The following DHX57 variants were observed in gnomAD, a reference collection of about 807,000 sequenced individuals.
DHX57 encodes the protein DExH-box helicase 57, also known as putative ATP-dependent RNA helicase DHX57.
In DHX57, 105 loss-of-function variants were observed where a neutral mutation model predicts 156.2. The ratio of observed to expected loss-of-function variants is 0.67; its 90% CI spans 0.57 to 0.79. The LOEUF (loss-of-function observed/expected upper bound fraction) is 0.79, where lower values mean the gene tolerates loss of function less well. DHX57 is among the 30% of genes least tolerant of loss of function. DHX57 has a pLI of 0.00. For synonymous variants in DHX57, 704 were observed against 595.6 expected, an observed-to-expected ratio of 1.18 and a Z score of -2.65; for missense variants, 1,847 against 1,661.9, an observed-to-expected ratio of 1.11 and a Z score of -1.94.
At chr2:38,834,969 A>G (rs1671577936) in intron 13 of DHX57, among the ~76,000 whole-genome samples, 1 of 152,222 alleles carries the variant, frequency 6.6e-6, no homozygotes, top group African/African-American at 2.4e-5. Context: ...AAGCAAAGCA[A>G]CTTAAAGCAA....
chr2:38,814,334 C>G (rs189341743), intron 20 of DHX57, among the ~76,000 whole-genome samples: 1 of 152,326 alleles, frequency 6.6e-6, no homozygotes, highest in Admixed American at 6.5e-5. Context: ...ATTTCTATCT[C>G]TTTGCTAGAA....
intron 12 of DHX57, among the ~76,000 whole-genome samples, chr2:38,842,742 C>T (rs1308792410): frequency 1.3e-5 from 2 of 152,012 alleles, no homozygotes; most frequent in African/African-American, 4.8e-5. Context: ...AAGAATATAA[C>T]TTATATTTTA....
At chr2:38,836,489 G>A (rs1325237165) in intron 13 of DHX57, among the ~76,000 whole-genome samples, 2 of 152,158 alleles carry the variant, frequency 1.3e-5, no homozygotes, top group Non-Finnish European at 1.5e-5. Context: ...AATACAGTAT[G>A]TACACCAGGT....
chr2:38,849,494 T>C (rs189049671), intron 9 of DHX57, among the ~76,000 whole-genome samples: 6 of 151,996 alleles, frequency 3.9e-5, no homozygotes, highest in Admixed American at 3.9e-4. Context: ...GGAGGAATGC[T>C]TGAGGCCAGG....
At chr2:38,829,033 C>A (rs1429715736) in intron 13 of DHX57, among the ~76,000 whole-genome samples, 1 of 151,418 alleles carries the variant, frequency 6.6e-6, no homozygotes, top group South Asian at 2.1e-4. Context: ...CTCAACCTCC[C>A]CAGGCTCAGG....
chr2:38,842,532 A>T lies in DHX57; in HGVS notation c.2425+473T>A, dbSNP rs1279276304. ...CACACTAAAGTATTAAGGGTAAAGG[A>T]GCATCATATCTGTAACTTACTCTCA... On this transcript the variant is annotated intron_variant, in intron 12 of 23. Transcript: ENST00000457308. Among the ~76,000 whole-genome samples the T allele has an allele frequency of 2.0e-5, 3 of 152,202 alleles. No individual in the cohort carries two copies. In the South Asian group the frequency reaches 6.2e-4, roughly 32 times the overall value.
intron 12 of DHX57, chr2:38,838,844 C>T (rs1222379655): frequency 2.2e-6 from 1 of 452,654 alleles, no homozygotes; most frequent in Non-Finnish European, 4.4e-6. Flanking sequence ...CTCACAATCT[C>T]CCCACTCACA....
chr2:38,813,864 A>G lies in DHX57; in HGVS notation c.3638T>C (p.Ile1213Thr), dbSNP rs1670395297. ...CAAAGCAGCACACAGCATTGCTGAT[A>G]TCAGCTTGGGGTTCTCAGCATTTGA... is the stretch of plus-strand genomic sequence containing the variant. ...ANSNAENPKL[I>T]SAMLCAALYP... is the part of the protein sequence containing the mutation. The change falls in exon 21 of 24, where the codon ATA becomes ACA. Residue 1213 changes from isoleucine (I) to threonine (T), a missense_variant. Physicochemically the swap from Ile to Thr is moderately conservative, Grantham distance 89 (BLOSUM62 -1). Transcript: ENST00000457308. 6.2e-7 allele frequency: 1 copy of G among 1,613,690 alleles called. No individual in the cohort carries two copies. The highest frequency in any genetic ancestry group is 1.1e-5 in the South Asian group (1 of 91,086).
intron 9 of DHX57, chr2:38,853,741 C>G (rs1270315590): frequency 6.0e-6 from 1 of 165,618 alleles, no homozygotes; most frequent in African/African-American, 2.4e-5. Context: ...TACATTCAGC[C>G]ACAGCATGCA....
At chr2:38,836,536 G>A (rs1284462025) in intron 13 of DHX57, among the ~76,000 whole-genome samples, 1 of 152,150 alleles carries the variant, frequency 6.6e-6, no homozygotes, top group East Asian at 1.9e-4. Flanking sequence ...CACTTTGGGA[G>A]GCCAAGGTGG....
intron 21 of DHX57, among the ~76,000 whole-genome samples, chr2:38,809,504 C>G (rs1670129045): frequency 1.3e-5 from 2 of 151,352 alleles, no homozygotes; most frequent in South Asian, 4.2e-4. Flanking sequence ...CTCTGTCACC[C>G]AGGCTGGAGT....
intron 12 of DHX57, 92 bp from the exon 13 acceptor site, chr2:38,838,039 A>G: frequency 1.2e-6 from 1 of 808,518 alleles, no homozygotes; most frequent in South Asian, 1.6e-5. Context: ...ATGCCTGTGA[A>G]TTAGGTGAGT....
intron 13 of DHX57, among the ~76,000 whole-genome samples, chr2:38,831,973 G>C (rs1364062690): frequency 6.6e-6 from 1 of 152,090 alleles, no homozygotes; most frequent in East Asian, 1.9e-4. Context: ...AGTGAGCTGA[G>C]ATCCCACCAC....
intron 1 of DHX57, among the ~76,000 whole-genome samples, chr2:38,873,136 C>G (rs1246964693): frequency 6.6e-6 from 1 of 152,026 alleles, no homozygotes; most frequent in East Asian, 1.9e-4. Context: ...TACAGGCACC[C>G]GCCACCATGC....
Position 38,823,736 on chromosome 2 carries a change from G to A in DHX57, c.3015-467C>T, listed in dbSNP as rs891257303. Among the ~76,000 whole-genome samples the A allele has an allele frequency of 7.9e-5, 12 of 152,332 alleles. No individual in the cohort carries two copies. The East Asian group carries it at 2.1e-3, about 27-fold the overall frequency. On this transcript the variant is annotated intron_variant, in intron 16 of 23. Coordinates refer to ENST00000457308, the MANE Select transcript of DHX57 (RefSeq NM_198963.3). ...AGTCAGAATCTTGCAGAGAGGCCAC[G>A]CGCAGTGGCTCACGTCTGTAATCCT...
rs779804921 is a variant in DHX57 at position 38,798,100 on chromosome 2, T to C, written c.*199A>G. 5 of 519,284 alleles carry C rather than the reference T, an allele frequency of 9.6e-6. No homozygotes were observed. The highest frequency in any genetic ancestry group is 9.8e-6 in the Non-Finnish European group (3 of 305,466). The allele number at this position is 519,284 out of a possible 1,614,324, so 32.2% of individuals were successfully genotyped here. A position where few individuals can be genotyped will look rare whatever the true frequency, so the allele number is the denominator to read the frequency against. ...AGGCTCTCACCCTTGACACTCCAAA[T>C]TGTGCTGGGAGTGGCCAAGGCTTTG... On this transcript the variant is annotated 3_prime_UTR_variant, in exon 24 of 24. Coordinates refer to ENST00000457308, the MANE Select transcript of DHX57 (RefSeq NM_198963.3).
At chr2:38,873,152 GA>G (rs1665431204) in intron 1 of DHX57, among the ~76,000 whole-genome samples, 1 of 151,978 alleles carries the variant, frequency 6.6e-6, no homozygotes, top group Non-Finnish European at 1.5e-5. Context: ...CATGCTCCCT[GA>G]CTAATTTTTG....
intron 1 of DHX57, 33 bp downstream of exon 1, chr2:38,875,743 TGCGCACAACGC>T (rs1251976507): frequency 1.3e-5 from 4 of 309,562 alleles, no homozygotes; most frequent in Non-Finnish European, 2.4e-5. Flanking sequence ...GCGCACACCG[TGCGCACAACGC>T]GCATCACTTG....
At chr2:38,861,901 A>G (rs1046201880) in intron 4 of DHX57, 64 bp from the exon 5 acceptor site, 1 of 1,455,558 alleles carries the variant, frequency 6.9e-7, no homozygotes, top group Non-Finnish European at 9.2e-7. Flanking sequence ...TTACAGTAAA[A>G]TTCATTTAAA....
Sources: allele counts gnomAD v4.1 joint callset (sites outside exome capture counted in the v4.1 genomes callset), GRCh38; gene constraint gnomAD v4.1.1; transcripts MANE v1.5; gene names NCBI Gene and HGNC (gene_info 2026-07-23, HGNC 2026-07-21).